RBFOX1: variants seen among roughly 807,000 people sequenced by gnomAD.
RBFOX1 encodes RNA binding fox-1 homolog 1.
Under a neutral mutation model 57.7 loss-of-function variants are expected in RBFOX1, and 8 were observed. That is an observed-to-expected ratio of 0.14 (90% CI 0.08 to 0.25). The LOEUF (loss-of-function observed/expected upper bound fraction) is 0.25. Among genes scored for constraint, RBFOX1 ranks in the 10% least tolerant of loss-of-function variants. RBFOX1 has a pLI of 1.00. For missense variants in RBFOX1, 611 were observed against 548.5 expected (o/e 1.11, Z -1.14); for synonymous variants, 326 against 222.4 (o/e 1.47, Z -4.15).
At chr16:6,672,281 A>G (rs1030754064) in intron 3 of RBFOX1, among the ~76,000 whole-genome samples, 3 of 152,154 alleles carry the variant, frequency 2.0e-5, no homozygotes, top group Non-Finnish European at 4.4e-5. Context: ...TATACATCCA[A>G]TATAAATATA....
rs182236767 is a variant in RBFOX1 at position 6,662,851 on chromosome 16, A to C, written c.-16+8201A>C. 1.9e-4 allele frequency among the ~76,000 whole-genome samples: 29 copies of C among 152,302 alleles called. 1 individual carries two copies. In the Middle Eastern group the frequency reaches 0.01, roughly 54 times the overall value. ...TCTGCTCTTTCTGTTTACTTCAACG[A>C]GCTATTTCTTTTCTTTAAAACAAAT... On this transcript the variant is annotated intron_variant, in intron 3 of 15. Transcript: ENST00000550418.
intron 4 of RBFOX1, among the ~76,000 whole-genome samples, chr16:7,067,120 G>A (rs775639076): frequency 1.6e-4 from 24 of 152,114 alleles, no homozygotes; most frequent in Admixed American, 6.5e-5. Context: ...ATATGCCAGC[G>A]GCAGCCTTCC....
chr16:7,041,718 C>G (rs972072580), intron 3 of RBFOX1, among the ~76,000 whole-genome samples: 1 of 152,178 alleles, frequency 6.6e-6, no homozygotes, highest in African/African-American at 2.4e-5. Context: ...GCCAAATTCA[C>G]AAGGCCTCTT....
chr16:6,680,647 C>G (rs1010234223), intron 3 of RBFOX1, among the ~76,000 whole-genome samples: 2 of 152,108 alleles, frequency 1.3e-5, no homozygotes, highest in Non-Finnish European at 2.9e-5. Context: ...ATTTTATACT[C>G]TTATTTTAGT....
chr16:7,044,870 G>A lies in RBFOX1; in HGVS notation c.-15-7187G>A, dbSNP rs79940338. Among the ~76,000 whole-genome samples, 1,184 of 152,134 alleles carry A rather than the reference G, an allele frequency of 7.8e-3. 3 individuals are homozygous for A. The highest frequency in any genetic ancestry group is 0.011 in the Non-Finnish European group (779 of 68,008). On this transcript the variant is annotated intron_variant, in intron 3 of 15. Transcript: ENST00000550418. Reference sequence around the variant, plus strand: ...TTTTCCACCTCCCCTCTCCCCACCCGGAGCCTCTCCCATAATGGTTATGGA... The same window carrying A: ...TTTTCCACCTCCCCTCTCCCCACCCAGAGCCTCTCCCATAATGGTTATGGA...
chr16:6,002,773 C>G (rs2060623501), intron 4 of RBFOX1, among the ~76,000 whole-genome samples: 1 of 152,144 alleles, frequency 6.6e-6, no homozygotes, highest in Non-Finnish European at 1.5e-5. Context: ...CTAATTTCTT[C>G]AATATGATTA....
intron 3 of RBFOX1, among the ~76,000 whole-genome samples, chr16:6,829,645 A>C (rs1322153785): frequency 6.6e-6 from 1 of 152,100 alleles, no homozygotes; most frequent in Non-Finnish European, 1.5e-5. Flanking sequence ...TCTGTCACCC[A>C]TACGGCAGTG....
chr16:5,772,870 C>G (rs992273738), intron 3 of RBFOX1, among the ~76,000 whole-genome samples: 2 of 152,036 alleles, frequency 1.3e-5, no homozygotes, highest in Non-Finnish European at 2.9e-5. Flanking sequence ...AATAAGAGGT[C>G]AAGAGTAGAC....
chr16:6,782,609 A>G (rs2081219794), intron 3 of RBFOX1, among the ~76,000 whole-genome samples: 1 of 151,834 alleles, frequency 6.6e-6, no homozygotes, highest in African/African-American at 2.4e-5. Context: ...TATGATTTGG[A>G]TTTTTCTGAA....
intron 4 of RBFOX1, among the ~76,000 whole-genome samples, chr16:7,353,066 A>G (rs967785736): frequency 5.9e-5 from 9 of 152,162 alleles, no homozygotes; most frequent in African/African-American, 1.9e-4. Flanking sequence ...CATGAGTTAC[A>G]TAGTGGAACC....
chr16:6,337,872 C>T (rs1307901536), intron 2 of RBFOX1, among the ~76,000 whole-genome samples: 6 of 152,168 alleles, frequency 3.9e-5, no homozygotes, highest in Non-Finnish European at 8.8e-5. Flanking sequence ...AGAAAACACC[C>T]CCTTGGGTAC....
chr16:5,319,053 G>A (rs2064323035), intron 1 of RBFOX1, among the ~76,000 whole-genome samples: 1 of 152,166 alleles, frequency 6.6e-6, no homozygotes, highest in Non-Finnish European at 1.5e-5. Flanking sequence ...CTTGAACCTG[G>A]CAGGTGGAGG....
At chr16:6,780,754 G>T (rs1208101577) in intron 3 of RBFOX1, among the ~76,000 whole-genome samples, 1 of 151,324 alleles carries the variant, frequency 6.6e-6, no homozygotes, top group African/African-American at 2.4e-5. Flanking sequence ...GTGACGTTGA[G>T]CATTTTTCCG....
chr16:7,559,404 G>T (rs1463234934), intron 5 of RBFOX1, among the ~76,000 whole-genome samples: 1 of 152,074 alleles, frequency 6.6e-6, no homozygotes, highest in African/African-American at 2.4e-5. Context: ...AGATCCATAA[G>T]GAAGTCTTGC....
At chr16:6,910,125 G>A (rs1337856519) in intron 3 of RBFOX1, among the ~76,000 whole-genome samples, 1 of 152,166 alleles carries the variant, frequency 6.6e-6, no homozygotes, top group East Asian at 1.9e-4. Context: ...AGCGTGCAAA[G>A]AGATTGGGCA....
At chr16:7,088,423 C>G (rs1435656228) in intron 4 of RBFOX1, among the ~76,000 whole-genome samples, 5 of 152,098 alleles carry the variant, frequency 3.3e-5, no homozygotes, top group Admixed American at 6.6e-5. Flanking sequence ...TTTGCTTTAA[C>G]CAGATGTGTG....
At chr16:6,487,291 G>A (rs949461664) in intron 2 of RBFOX1, among the ~76,000 whole-genome samples, 1 of 151,924 alleles carries the variant, frequency 6.6e-6, no homozygotes, top group Non-Finnish European at 1.5e-5. Context: ...CAATTTCACT[G>A]CCTAGATTAA....
chr16:7,466,128 A>G (rs1182362516), intron 4 of RBFOX1, among the ~76,000 whole-genome samples: 2 of 152,324 alleles, frequency 1.3e-5, no homozygotes, highest in East Asian at 1.9e-4. Context: ...GGTTTTAGGC[A>G]ACAGTGAACA....
intron 2 of RBFOX1, among the ~76,000 whole-genome samples, chr16:6,481,839 C>A (rs1284587622): frequency 6.6e-6 from 1 of 152,078 alleles, no homozygotes; most frequent in East Asian, 1.9e-4. Flanking sequence ...AGAGAGAACA[C>A]AAATAGAATT....
Sources: allele counts gnomAD v4.1 joint callset (sites outside exome capture counted in the v4.1 genomes callset), GRCh38; gene constraint gnomAD v4.1.1; transcripts MANE v1.5; gene names NCBI Gene and HGNC (gene_info 2026-07-23, HGNC 2026-07-21).